Variants in C12orf56 observed in about 807,000 individuals in gnomAD.
C12orf56 encodes uncharacterized protein C12orf56.
Under a neutral mutation model 69.9 loss-of-function variants are expected in C12orf56, and 71 were observed. That is an observed-to-expected ratio of 1.02 (90% CI 0.84 to 1.24). C12orf56 has a LOEUF of 1.24. Ranked by LOEUF, C12orf56 falls within the 50% of genes most tolerant of loss-of-function variation. The pLI, the probability that C12orf56 is intolerant of heterozygous loss-of-function variation, is 0.00. For missense variants in C12orf56, 732 were observed against 738.5 expected, an observed-to-expected ratio of 0.99 and a Z score of 0.10; for synonymous variants, 276 against 274.1, an observed-to-expected ratio of 1.01 and a Z score of -0.07.
chr12:64,337,217 AT>A (rs1322686880), intron 2 of C12orf56, among the ~76,000 whole-genome samples: 2 of 151,688 alleles, frequency 1.3e-5, no homozygotes, highest in African/African-American at 2.4e-5. Context: ...CAAGTGTGTA[AT>A]TTTTTTTCTC....
intron 11 of C12orf56, among the ~76,000 whole-genome samples, chr12:64,271,300 A>G (rs1334688127): frequency 1.3e-5 from 2 of 152,034 alleles, no homozygotes; most frequent in Non-Finnish European, 2.9e-5. Context: ...CCCCATCTCT[A>G]CTAAAAATAC....
intron 1 of C12orf56, among the ~76,000 whole-genome samples, chr12:64,374,699 A>G (rs989290823): frequency 6.6e-6 from 1 of 151,886 alleles, no homozygotes; most frequent in Non-Finnish European, 1.5e-5. Context: ...GCCCACCACC[A>G]TGCCCGGCTA....
chr12:64,372,493 C>A (rs901819489), intron 1 of C12orf56, among the ~76,000 whole-genome samples: 1 of 152,020 alleles, frequency 6.6e-6, no homozygotes, highest in Non-Finnish European at 1.5e-5. Flanking sequence ...GATCTTGAAG[C>A]TTTTAGTAAT....
At chr12:64,382,399 G>A (rs2039731666) in intron 1 of C12orf56, among the ~76,000 whole-genome samples, 3 of 151,948 alleles carry the variant, frequency 2.0e-5, no homozygotes, top group African/African-American at 7.3e-5. Context: ...TTTGAAAAAG[G>A]GACGATATCA....
chr12:64,295,618 C>T (rs989073821), intron 6 of C12orf56, among the ~76,000 whole-genome samples: 1 of 151,620 alleles, frequency 6.6e-6, no homozygotes, highest in African/African-American at 2.4e-5. Context: ...TTGCAGTGAG[C>T]GGAGATGGTG....
chr12:64,306,436 T>TA (rs60732377), intron 5 of C12orf56, among the ~76,000 whole-genome samples: 1,584 of 149,438 alleles, frequency 0.011, 25 homozygotes, highest in African/African-American at 0.03. Flanking sequence ...TTTTTTTTTT[T>TA]AGACAGAGTC....
chr12:64,383,132 CAT>C (rs1472425292), intron 1 of C12orf56, among the ~76,000 whole-genome samples: 1 of 151,830 alleles, frequency 6.6e-6, no homozygotes, highest in Non-Finnish European at 1.5e-5. Context: ...GCCTGGGAAA[CAT>C]AGCAAAACTC....
At chr12:64,360,117 G>C (rs114693165) in intron 1 of C12orf56, among the ~76,000 whole-genome samples, 2 of 152,118 alleles carry the variant, frequency 1.3e-5, no homozygotes, top group African/African-American at 4.8e-5. Context: ...CTTTACATCA[G>C]AGACATTTTT....
At chr12:64,284,333 A>T (rs978396236) in intron 8 of C12orf56, among the ~76,000 whole-genome samples, 1 of 152,230 alleles carries the variant, frequency 6.6e-6, no homozygotes, top group Non-Finnish European at 1.5e-5. Context: ...TTGTGTGGAT[A>T]TAAGGACACT....
chr12:64,309,688 T>G (rs1422914693), intron 5 of C12orf56, among the ~76,000 whole-genome samples: 1 of 152,150 alleles, frequency 6.6e-6, no homozygotes. Flanking sequence ...TTTTTGTATC[T>G]TTAGTAGAGA....
rs1465862061 is a variant in C12orf56, at chr12:64,386,384, T to TTATA, written c.252+3926_252+3929dup. ...GTGTGCTACCACTGCTGGCTAATTT[T>TTATA]TATATATATATATATTTTTTTTTTT... On this transcript the variant is annotated intron_variant, in intron 1 of 12. Coordinates refer to ENST00000543942, the MANE Select transcript of C12orf56 (RefSeq NM_001170633.2). Among the ~76,000 whole-genome samples, 512 of 104,090 alleles carry TTATA rather than the reference T, an allele frequency of 4.9e-3. 18 individuals are homozygous for TTATA. Among genetic ancestry groups the TTATA allele is most frequent in the African/African-American group, 0.018 (463 of 26,370 alleles). The allele number at this position is 104,090 out of a possible 152,430, so 68.3% of individuals were successfully genotyped here. A position where few individuals can be genotyped will look rare whatever the true frequency, so the allele number is the denominator to read the frequency against.
intron 3 of C12orf56, among the ~76,000 whole-genome samples, chr12:64,328,704 AAAATATATATATATATATATATAT>A (rs2038882517): frequency 1.1e-4 from 4 of 37,304 alleles, no homozygotes; most frequent in African/African-American, 1.2e-4. Flanking sequence ...AAAAAAAAAA[AAAATATATATATATATATATATAT>A]ATATATATAG....
intron 3 of C12orf56, among the ~76,000 whole-genome samples, chr12:64,329,647 G>A (rs1414470923): frequency 6.8e-6 from 1 of 146,096 alleles, no homozygotes; most frequent in Non-Finnish European, 1.5e-5. Flanking sequence ...TCTAGCATTA[G>A]GTATATCTCC....
chr12:64,376,844 CT>C (rs1325998996), intron 1 of C12orf56, among the ~76,000 whole-genome samples: 5 of 149,626 alleles, frequency 3.3e-5, no homozygotes, highest in South Asian at 2.1e-4. Context: ...ACCACATTTT[CT>C]TTTTTTTTTC....
chr12:64,287,488 TCCCTCCC>T (rs1374568111), intron 6 of C12orf56, among the ~76,000 whole-genome samples: 1,030 of 79,586 alleles, frequency 0.013, 51 homozygotes, highest in African/African-American at 0.05. Flanking sequence ...CCCAATGCTA[TCCCTCCC>T]CCCTCCCCCC....
chr12:64,350,995 T>A (rs1314703060), intron 2 of C12orf56, among the ~76,000 whole-genome samples: 1 of 152,242 alleles, frequency 6.6e-6, no homozygotes, highest in Non-Finnish European at 1.5e-5. Flanking sequence ...AGTTTTTGCC[T>A]ACATTTTAGA....
chr12:64,308,044 C>T (rs1021681754), intron 5 of C12orf56, among the ~76,000 whole-genome samples: 7 of 151,488 alleles, frequency 4.6e-5, no homozygotes, highest in African/African-American at 1.7e-4. Flanking sequence ...AACGGCTGGG[C>T]GCGGTGGCTC....
At position 64,298,314 on chromosome 12, in the gene C12orf56, C is replaced by G. The variant is rs549915703; in HGVS notation, c.1113+5321G>C. On this transcript the variant is annotated intron_variant, in intron 6 of 12. Coordinates refer to ENST00000543942, the MANE Select transcript of C12orf56 (RefSeq NM_001170633.2). ...CAGATGGATAGATTGCAAAAATTTT[C>G]TCTCGTTCTGTAGGTTGTCTGTTCA... is the stretch of plus-strand genomic sequence containing the variant. Among the ~76,000 whole-genome samples, 20 of 152,204 alleles carry G rather than the reference C, an allele frequency of 1.3e-4. No homozygotes were observed. In the South Asian group the frequency reaches 3.5e-3, roughly 27 times the overall value.
intron 1 of C12orf56, among the ~76,000 whole-genome samples, chr12:64,371,867 G>A (rs1209704400): frequency 2.0e-5 from 3 of 151,394 alleles, no homozygotes; most frequent in African/African-American, 4.9e-5. Flanking sequence ...AAAATACAGG[G>A]GGAAAGTGTC....
Sources: gnomAD v4.1 joint callset for allele counts (sites outside exome capture counted in the v4.1 genomes callset) on GRCh38, gnomAD v4.1.1 for gene constraint, MANE v1.5 for transcripts, NCBI Gene and HGNC (gene_info 2026-07-23, HGNC 2026-07-21) for gene names.